The following BLTP1 variants were observed in gnomAD, a reference collection of about 807,000 sequenced individuals.
The protein encoded by BLTP1 is fragile site-associated protein.
the BLTP1 span, among the ~76,000 whole-genome samples, chr4:122,323,123 C>T: frequency 6.6e-6 from 1 of 152,088 alleles, no homozygotes; most frequent in Non-Finnish European, 1.5e-5. Flanking sequence ...AATTACAGTT[C>T]AGGTGTTCCT....
the BLTP1 span, among the ~76,000 whole-genome samples, chr4:122,157,994 G>A: frequency 1.1e-4 from 17 of 152,214 alleles, no homozygotes; most frequent in African/African-American, 4.1e-4. Context: ...TGTGTATCAG[G>A]TGAGGGTTCC....
the BLTP1 span, chr4:122,344,764 C>T: frequency 2.1e-6 from 2 of 973,682 alleles, no homozygotes; most frequent in South Asian, 4.8e-5. Context: ...GATAAATAGA[C>T]ATATCACCCA....
At chr4:122,325,268 G>C in the BLTP1 span, 1 of 1,609,398 alleles carries the variant, frequency 6.2e-7, no homozygotes, top group Non-Finnish European at 8.5e-7. Context: ...CCAGAAATCC[G>C]TGTGGATGCA....
chr4:122,224,927 G>A, the BLTP1 span: 1 of 1,272,846 alleles, frequency 7.9e-7, no homozygotes, highest in South Asian at 1.8e-5. Flanking sequence ...AAGAATTTGA[G>A]ACTTTCTTTG....
the BLTP1 span, chr4:122,333,869 A>G: frequency 1.6e-5 from 25 of 1,551,054 alleles, no homozygotes; most frequent in Non-Finnish European, 2.2e-5. Context: ...TTTATTTTCT[A>G]TCATATATGT....
the BLTP1 span, chr4:122,194,631 T>C: frequency 1.0e-6 from 1 of 978,170 alleles, no homozygotes; most frequent in South Asian, 4.7e-5. Flanking sequence ...GAAGAAAAAA[T>C]GAAAATAATG....
chr4:122,239,001 ATCT>A, the BLTP1 span, among the ~76,000 whole-genome samples: 1 of 152,180 alleles, frequency 6.6e-6, no homozygotes, highest in East Asian at 1.9e-4. Flanking sequence ...TTCTTGATGT[ATCT>A]GCTTGGATGT....
the BLTP1 span, chr4:122,204,363 G>A: frequency 1.1e-6 from 1 of 925,466 alleles, no homozygotes; most frequent in Non-Finnish European, 1.3e-6. Flanking sequence ...AACTAAAATA[G>A]GATAGTATTT....
chr4:122,320,256 C>T, the BLTP1 span, among the ~76,000 whole-genome samples: 2 of 152,016 alleles, frequency 1.3e-5, no homozygotes, highest in Middle Eastern at 3.4e-3. Flanking sequence ...TCAAGCAATC[C>T]TCCTGCTTCA....
At chr4:122,158,627 C>A in the BLTP1 span, among the ~76,000 whole-genome samples, 1 of 151,928 alleles carries the variant, frequency 6.6e-6, no homozygotes, top group Non-Finnish European at 1.5e-5. Flanking sequence ...CAAAATTAGC[C>A]GGGCGTGGTG....
At chr4:122,297,761 T>C in the BLTP1 span, among the ~76,000 whole-genome samples, 5 of 152,136 alleles carry the variant, frequency 3.3e-5, no homozygotes, top group Non-Finnish European at 7.3e-5. Context: ...TTTGCAGGGA[T>C]ATTGATGGAG....
At chr4:122,234,204 T>A in the BLTP1 span, 1 of 624,632 alleles carries the variant, frequency 1.6e-6, no homozygotes, top group Non-Finnish European at 2.0e-6. Flanking sequence ...AATACTTTAT[T>A]TGTAGTCCTT....
the BLTP1 span, chr4:122,307,658 T>G: frequency 2.0e-6 from 2 of 985,080 alleles, no homozygotes; most frequent in Non-Finnish European, 2.4e-6. Flanking sequence ...CATCCCAGTA[T>G]CTAACATATA....
the BLTP1 span, among the ~76,000 whole-genome samples, chr4:122,235,910 G>A: frequency 6.6e-6 from 1 of 152,074 alleles, no homozygotes; most frequent in Non-Finnish European, 1.5e-5. Flanking sequence ...GATTTACCTA[G>A]AGTCTTTTCT....
chr4:122,289,325 G>A, the BLTP1 span: 2 of 792,902 alleles, frequency 2.5e-6, no homozygotes, highest in East Asian at 6.2e-5. Flanking sequence ...CTAAGAAACT[G>A]TGCATTCCTT....
the BLTP1 span, among the ~76,000 whole-genome samples, chr4:122,264,934 T>G: frequency 6.6e-6 from 1 of 152,326 alleles, no homozygotes; most frequent in South Asian, 2.1e-4. Flanking sequence ...GTTTATGGCT[T>G]TGAAAAGGTA....
At chr4:122,289,856 C>A in the BLTP1 span, 4 of 910,538 alleles carry the variant, frequency 4.4e-6, no homozygotes, top group Admixed American at 1.2e-4. Flanking sequence ...TATTCACTTA[C>A]AATTTTGATG....
At chr4:122,300,657 GC>G in the BLTP1 span, among the ~76,000 whole-genome samples, 1 of 152,030 alleles carries the variant, frequency 6.6e-6, no homozygotes, top group Non-Finnish European at 1.5e-5. Flanking sequence ...AACAAAATCT[GC>G]TTTTTATCTA....
At chr4:122,321,979 A>ATT in the BLTP1 span, among the ~76,000 whole-genome samples, 1 of 27,020 alleles carries the variant, frequency 3.7e-5, no homozygotes, top group Non-Finnish European at 6.0e-5. Context: ...ACTACATGTA[A>ATT]TTTTTTTTTT....
Sources: allele counts gnomAD v4.1 joint callset (sites outside exome capture counted in the v4.1 genomes callset), GRCh38; gene constraint gnomAD v4.1.1; transcripts MANE v1.5; gene names NCBI Gene and HGNC (gene_info 2026-07-23, HGNC 2026-07-21).